Variants in STPG2 observed in about 807,000 individuals in gnomAD.
STPG2 encodes the protein sperm tail PG-rich repeat containing 2, also known as sperm-tail PG-rich repeat-containing protein 2.
A neutral mutation model predicts 54.2 loss-of-function variants in STPG2; 56 were observed. That is an observed-to-expected ratio of 1.03 (90% CI 0.83 to 1.29). The LOEUF (loss-of-function observed/expected upper bound fraction) is 1.29. Among genes scored for constraint, STPG2 ranks in the 50% most tolerant of loss-of-function variants. The probability of loss-of-function intolerance (pLI) is 0.00; values close to 1 mark genes in which losing one functional copy is unlikely to be tolerated. For missense variants in STPG2, 596 were observed against 544.9 expected (o/e 1.09, Z -0.93); for synonymous variants, 200 against 181.8 (o/e 1.10, Z -0.81).
At chr4:97,822,053 C>A (rs901721215) in intron 9 of STPG2, among the ~76,000 whole-genome samples, 1 of 152,210 alleles carries the variant, frequency 6.6e-6, no homozygotes, top group African/African-American at 2.4e-5. Context: ...GCTACATGGC[C>A]AGGCTGCAAA....
chr4:97,716,478 G>A (rs939702830), intron 9 of STPG2, among the ~76,000 whole-genome samples: 2 of 152,116 alleles, frequency 1.3e-5, no homozygotes, highest in South Asian at 4.1e-4. Context: ...ACTAGATAAA[G>A]AAAATGTGGC....
chr4:97,798,241 C>T (rs1727267544), intron 9 of STPG2, among the ~76,000 whole-genome samples: 1 of 152,064 alleles, frequency 6.6e-6, no homozygotes, highest in Admixed American at 6.6e-5. Flanking sequence ...AATGTGTTTG[C>T]TCTTGCTTCT....
chr4:98,115,608 A>G (rs895914156), intron 3 of STPG2, among the ~76,000 whole-genome samples: 8 of 151,952 alleles, frequency 5.3e-5, no homozygotes, highest in African/African-American at 4.8e-5. Flanking sequence ...TTACCCATCT[A>G]TTGGATTATT....
At chr4:97,672,124 A>G (rs1436174586) in intron 10 of STPG2, among the ~76,000 whole-genome samples, 1 of 151,416 alleles carries the variant, frequency 6.6e-6, no homozygotes, top group Non-Finnish European at 1.5e-5. Flanking sequence ...ATGGTAAAAA[A>G]CTGTCTCAAA....
At chr4:97,974,453 G>A (rs144034704) in intron 6 of STPG2, among the ~76,000 whole-genome samples, 315 of 152,288 alleles carry the variant, frequency 2.1e-3, no homozygotes, top group African/African-American at 7.1e-3. Flanking sequence ...ATGTGAGGAC[G>A]TGAGATTTGG....
chr4:97,847,399 A>T (rs1225284685), intron 8 of STPG2, among the ~76,000 whole-genome samples: 3 of 152,092 alleles, frequency 2.0e-5, no homozygotes, highest in Non-Finnish European at 2.9e-5. Flanking sequence ...ATAGATATAA[A>T]ATTATAGTAT....
chr4:97,870,989 C>G (rs1309970537), intron 8 of STPG2, among the ~76,000 whole-genome samples: 3 of 150,438 alleles, frequency 2.0e-5, no homozygotes, highest in Non-Finnish European at 4.5e-5. Context: ...TGAAATAAAA[C>G]AAGAAATTTT....
At position 97,972,444 on chromosome 4, in the gene STPG2, A is replaced by AAATTATTAGAAGTATCATATATAAG. The variant is rs767992484; in HGVS notation, c.773-29_773-5dup. On this transcript the variant is annotated splice_polypyrimidine_tract_variant and splice_region_variant and intron_variant, in intron 6 of 10. Coordinates refer to ENST00000295268, the MANE Select transcript of STPG2 (RefSeq NM_174952.3). ...AAGACATTATAAAATCCAGGACCTA[A>AAATTATTAGAAGTATCATATATAAG]AATTATTAGAAGTATCATATATAAG... The AAATTATTAGAAGTATCATATATAAG allele has an allele frequency of 1.5e-4, 216 of 1,469,012 alleles. No individual in the cohort carries two copies. In the African/African-American group the frequency reaches 2.8e-3, roughly 19 times the overall value. The allele number at this position is 1,469,012 out of a possible 1,614,324, so 91.0% of individuals were successfully genotyped here.
chr4:97,641,045 A>G (rs978036934), intron 10 of STPG2, among the ~76,000 whole-genome samples: 1 of 151,714 alleles, frequency 6.6e-6, no homozygotes, highest in African/African-American at 2.4e-5. Context: ...AAAGTAAAAT[A>G]TTAGCATCTT....
intron 9 of STPG2, among the ~76,000 whole-genome samples, chr4:97,809,511 G>T (rs772286353): frequency 5.3e-4 from 80 of 152,194 alleles, no homozygotes; most frequent in Non-Finnish European, 1.2e-4. Flanking sequence ...TAAAAGCAGA[G>T]AATTTTCCTT....
chr4:97,901,898 T>C (rs887176326), intron 8 of STPG2, among the ~76,000 whole-genome samples: 3 of 152,000 alleles, frequency 2.0e-5, no homozygotes, highest in African/African-American at 7.2e-5. Context: ...ATACAGATCC[T>C]TATTTCAAAT....
At chr4:98,135,988 A>T (rs1578188068) in intron 1 of STPG2, among the ~76,000 whole-genome samples, 1 of 151,758 alleles carries the variant, frequency 6.6e-6, no homozygotes, top group Non-Finnish European at 1.5e-5. Flanking sequence ...GGAAAATATG[A>T]CCCATAAAGA....
chr4:97,458,895 A>G (rs1729590335), intron 4 of STPG2, among the ~76,000 whole-genome samples: 1 of 152,152 alleles, frequency 6.6e-6, no homozygotes, highest in Admixed American at 6.5e-5. Context: ...ACTAAATTCA[A>G]TGGATAATTC....
intron 7 of STPG2, among the ~76,000 whole-genome samples, chr4:97,957,121 CATGTGAAATATAT>C (rs1733703094): frequency 2.6e-5 from 2 of 76,526 alleles, no homozygotes; most frequent in Admixed American, 2.5e-4. Flanking sequence ...GTGAAATATA[CATGTGAAATATAT>C]ATGAAATATA....
chr4:97,492,847 T>C (rs1296699632), intron 4 of STPG2, among the ~76,000 whole-genome samples: 1 of 150,634 alleles, frequency 6.6e-6, no homozygotes, highest in Admixed American at 6.7e-5. Flanking sequence ...TTTTGGAAGA[T>C]TGTATTTCTA....
At chr4:97,747,856 A>C (rs1431631835) in intron 9 of STPG2, among the ~76,000 whole-genome samples, 2 of 151,364 alleles carry the variant, frequency 1.3e-5, no homozygotes, top group Non-Finnish European at 3.0e-5. Context: ...TTTTATTCAG[A>C]CGTTTGAATA....
chr4:97,836,858 ATAAT>A lies in STPG2; in HGVS notation c.1204+3911_1204+3914del, dbSNP rs538225168. 4.5e-4 allele frequency among the ~76,000 whole-genome samples: 67 copies of A among 149,194 alleles called. 1 individual carries two copies. The South Asian group carries it at 6.1e-3, about 14-fold the overall frequency. ...ATTAACAATATTTAATTAATAAATGATAATTAATAACAATAAATTAATATTTAGT... is the reference window on the plus strand; with the variant it reads ...ATTAACAATATTTAATTAATAAATGATAATAACAATAAATTAATATTTAGT... On this transcript the variant is annotated intron_variant, in intron 9 of 10. Transcript: ENST00000295268.
intron 5 of STPG2, among the ~76,000 whole-genome samples, chr4:98,082,006 T>C (rs1430482573): frequency 6.6e-6 from 1 of 152,200 alleles, no homozygotes; most frequent in East Asian, 1.9e-4. Context: ...TATTAAGAAC[T>C]GAGAAGCATT....
intron 10 of STPG2, among the ~76,000 whole-genome samples, chr4:97,678,952 A>T (rs1461522800): frequency 2.0e-5 from 3 of 152,138 alleles, no homozygotes; most frequent in South Asian, 4.1e-4. Flanking sequence ...AAAGGACATG[A>T]ACTCATCATT....
Sources: gnomAD v4.1 joint callset for allele counts (sites outside exome capture counted in the v4.1 genomes callset) on GRCh38, gnomAD v4.1.1 for gene constraint, MANE v1.5 for transcripts, NCBI Gene and HGNC (gene_info 2026-07-23, HGNC 2026-07-21) for gene names.